The following EHMT2 variants were observed in gnomAD, a reference collection of about 807,000 sequenced individuals.
EHMT2 encodes the protein histone-lysine N-methyltransferase EHMT2.
A neutral mutation model predicts 143.3 loss-of-function variants in EHMT2; 59 were observed. The observed-to-expected ratio is 0.41, with a 90% confidence interval of 0.33 to 0.51. The LOEUF is 0.51. EHMT2 is among the 20% of genes least tolerant of loss of function. EHMT2 has a pLI of 0.18. For missense variants in EHMT2, 1,174 were observed against 1,645.9 expected (o/e 0.71, Z 4.96); for synonymous variants, 604 against 651.5 (o/e 0.93, Z 1.11).
In EHMT2 at chr6:31,889,560, C is replaced by G; in HGVS notation, c.907G>C (p.Glu303Gln). ...TCTTCTTCTTCCTCCTCTTCCTCCT[C>G]CTCCTCTTCACTTAGTTGTTCAGTT... The change falls in exon 8 of 28, where the codon GAG (glutamate) becomes CAG (glutamine). Residue 303 changes from glutamate (E) to glutamine (Q), a missense_variant. By Grantham distance (29) the Glu-to-Gln change is conservative. Around this residue, in one of 6 missense-constraint regions of EHMT2, gnomAD observed 399 missense variants for 404.4 expected, o/e 0.99. Transcript: ENST00000375537. This position sits in a 1 kb window ranked among gnomAD's most constrained non-coding sequence, Gnocchi z 5.1. The G allele has an allele frequency of 6.2e-7, 1 of 1,611,836 alleles. No individual in the cohort carries two copies. The highest frequency in any genetic ancestry group is 8.5e-7 in the Non-Finnish European group (1 of 1,179,978).
chr6:31,888,111 C>T lies in EHMT2; in HGVS notation c.1675G>A (p.Gly559Ser), dbSNP rs565531085. Reference sequence around the variant, plus strand: ...GGTGGGGGTGCAGGAGCTGCAGTGCCGGCCGGTGGGGTCACCCCGTCACCC... The same window carrying T: ...GGTGGGGGTGCAGGAGCTGCAGTGCTGGCCGGTGGGGTCACCCCGTCACCC... The change falls in exon 13 of 28, where the codon GGC (glycine) becomes AGC (serine). Residue 559 changes from glycine to serine, a missense_variant. By Grantham distance (56) the Gly-to-Ser change is moderately conservative. Coordinates refer to ENST00000375537, the Ensembl canonical transcript of EHMT2. This position sits in a 1 kb window ranked among gnomAD's most constrained non-coding sequence, Gnocchi z 7.4. 36 of 1,611,542 alleles carry T rather than the reference C, an allele frequency of 2.2e-5. No individual in the cohort carries two copies. The highest frequency in any genetic ancestry group is 1.6e-4 in the African/African-American group (12 of 75,028).
At position 31,889,894 on chromosome 6, in the gene EHMT2, T is replaced by C. The variant is rs753739426; in HGVS notation, c.865-292A>G. On this transcript the variant is annotated intron_variant, in intron 7 of 27. Coordinates refer to ENST00000375537, the Ensembl canonical transcript of EHMT2. This position sits in a 1 kb window ranked among gnomAD's most constrained non-coding sequence, Gnocchi z 5.1. Reference sequence around the variant, plus strand: ...ACATACTTTGATACCCCTTTTATGATGTTCATAAACAGGCAAGACCACCAA... The same window carrying C: ...ACATACTTTGATACCCCTTTTATGACGTTCATAAACAGGCAAGACCACCAA... 6.6e-6 allele frequency among the ~76,000 whole-genome samples: 1 copy of C among 152,214 alleles called. No homozygotes were observed. Among genetic ancestry groups the C allele is most frequent in the Non-Finnish European group, 1.5e-5 (1 of 68,040 alleles).
chr6:31,882,117 T>TAAAAAATAAATTAAAAAAATAA (rs1764182618), intron 25 of EHMT2, among the ~76,000 whole-genome samples: 1 of 97,164 alleles, frequency 1.0e-5, no homozygotes, highest in African/African-American at 3.5e-5. Context: ...AAAAATAAAT[T>TAAAAAATAAATTAAAAAAATAA]AAAAAAAAAA....
In EHMT2 at chr6:31,884,936, G is replaced by A. The variant is rs771703667; in HGVS notation, c.2424C>T (p.Gly808=). 27 of 1,606,408 alleles carry A rather than the reference G, an allele frequency of 1.7e-5. No homozygotes were observed. Among genetic ancestry groups the A allele is most frequent in the South Asian group, 1.4e-4 (13 of 90,950 alleles). The change falls in exon 19 of 28, where the codon GGC becomes GGT. Residue 808 remains glycine, a synonymous_variant. Transcript: ENST00000375537. This position sits in a 1 kb window ranked among gnomAD's most constrained non-coding sequence, Gnocchi z 7.3. ...CGTTGTCAGTGAGGGTGACGTCGGC[G>A]CCCCGCGTCAGTAGCATGCGGATCA... is the stretch of plus-strand genomic sequence containing the variant.
Position 31,888,539 on chromosome 6 carries a change from G to C in EHMT2, c.1366-33C>G, listed in dbSNP as rs541209567. The C allele has an allele frequency of 4.3e-6, 7 of 1,609,876 alleles. No individual in the cohort carries two copies. The East Asian group carries it at 1.6e-4, about 36-fold the overall frequency. ...CAGTGAGGATGGGTGAGAAGAGAGC[G>C]TGAGGCTGGGGCCGGGGACTGGACG... On this transcript the variant is annotated intron_variant, in intron 11 of 27. Coordinates refer to ENST00000375537, the Ensembl canonical transcript of EHMT2. The surrounding 1 kb of genome is among the most constrained non-coding windows in gnomAD (Gnocchi z 7.4).
chr6:31,892,786 A>C, intron 5 of EHMT2, 40 bp downstream of exon 5: 1 of 1,612,860 alleles, frequency 6.2e-7, no homozygotes, highest in East Asian at 2.2e-5. Flanking sequence ...CCTTCAGAAC[A>C]GACCACATCA....
chr6:31,891,364 C>G (rs988721250), intron 7 of EHMT2, among the ~76,000 whole-genome samples: 1 of 152,068 alleles, frequency 6.6e-6, no homozygotes, highest in Non-Finnish European at 1.5e-5. Flanking sequence ...ATTAAGAAAT[C>G]GGTAAGTTTT....
At chr6:31,891,099 C>T (rs1015761558) in intron 7 of EHMT2, among the ~76,000 whole-genome samples, 13 of 152,082 alleles carry the variant, frequency 8.5e-5, no homozygotes, top group African/African-American at 2.7e-4. Flanking sequence ...CGTACCACTA[C>T]GTCCAGCTAA....
intron 15 of EHMT2, 95 bp downstream of exon 15, chr6:31,887,482 G>A: frequency 1.8e-6 from 2 of 1,095,670 alleles, no homozygotes; most frequent in Non-Finnish European, 2.7e-6. Context: ...GGCAAGGACT[G>A]TGTCCTTCAC....
In EHMT2 at chr6:31,884,633, G is replaced by A. The variant is rs567514423; in HGVS notation, c.2603+12C>T. ...TGGGGGCAGGGGCATCAAGGGCGGGGCAGGGGCTCACAGCACGCAGTCATG... is the reference window on the plus strand; with the variant it reads ...TGGGGGCAGGGGCATCAAGGGCGGGACAGGGGCTCACAGCACGCAGTCATG... On this transcript the variant is annotated intron_variant, in intron 20 of 27. Transcript: ENST00000375537. This position sits in a 1 kb window ranked among gnomAD's most constrained non-coding sequence, Gnocchi z 7.3. 5 of 1,594,022 alleles carry A rather than the reference G, an allele frequency of 3.1e-6. No homozygotes were observed. The East Asian group carries it at 6.7e-5, about 21-fold the overall frequency.
chr6:31,894,787 G>A (rs9469068), intron 4 of EHMT2, among the ~76,000 whole-genome samples: 2,126 of 150,718 alleles, frequency 0.014, 25 homozygotes, highest in Middle Eastern at 0.075. Flanking sequence ...GATTACAGGC[G>A]CACGCCACCA....
chr6:31,891,714 A>G (rs1181361590), intron 7 of EHMT2, among the ~76,000 whole-genome samples: 2 of 152,240 alleles, frequency 1.3e-5, no homozygotes, highest in Non-Finnish European at 2.9e-5. Flanking sequence ...CCAGACAAAG[A>G]GCAACGAAAT....
In EHMT2 at chr6:31,889,717, A is replaced by T. The variant is rs2151633949; in HGVS notation, c.865-115T>A. 1 of 1,344,588 alleles carries T rather than the reference A, an allele frequency of 7.4e-7. No homozygotes were observed. The highest frequency in any genetic ancestry group is 2.3e-5 in the East Asian group (1 of 43,626). The allele number at this position is 1,344,588 out of a possible 1,614,324, so 83.3% of individuals were successfully genotyped here. A position where few individuals can be genotyped will look rare whatever the true frequency, so the allele number is the denominator to read the frequency against. On this transcript the variant is annotated intron_variant, in intron 7 of 27. Coordinates refer to ENST00000375537, the Ensembl canonical transcript of EHMT2. The surrounding 1 kb of genome is among the most constrained non-coding windows in gnomAD (Gnocchi z 5.1). ...CACTACCCACGGATGGCTGCTGGGG[A>T]TAAGTGTGGGTAGCAGAGGAGACAA...
chr6:31,884,748 C>T lies in EHMT2; in HGVS notation c.2500G>A (p.Ala834Thr), dbSNP rs1192060899. 5 of 1,601,472 alleles carry T rather than the reference C, an allele frequency of 3.1e-6. No individual in the cohort carries two copies. The highest frequency in any genetic ancestry group is 1.3e-5 in the African/African-American group (1 of 74,584). ...CAGCGCGCATTCAGAAGGACTTCGG[C>T]GATGGCGGCGCTGCCCGTGAAGGAG... Residue 834 changes from alanine (A) to threonine (T), a missense_variant, in exon 20 of 28, where the codon GCC (alanine) becomes ACC (threonine). Ala to Thr is a moderately conservative substitution (Grantham distance 58). Coordinates refer to ENST00000375537, the Ensembl canonical transcript of EHMT2. The surrounding 1 kb of genome is among the most constrained non-coding windows in gnomAD (Gnocchi z 7.3).
At position 31,886,985 on chromosome 6, in the gene EHMT2, C is replaced by T; in HGVS notation, c.2118+10G>A. The T allele has an allele frequency of 6.2e-7, 1 of 1,614,000 alleles. No homozygotes were observed. On this transcript the variant is annotated intron_variant, in intron 16 of 27. Transcript: ENST00000375537. ...TGGTGAATGAGGCATGGGGCCGGGC[C>T]CGTGCTGACCTGCAGCAGCACATGG...
chr6:31,884,079 C>T lies in EHMT2; in HGVS notation c.2772-129G>A. ...GGGAGTAAGGTTGCCAGGTAAGATG[C>T]AGGACAGCGAGTTAACATAGAATTT... is the stretch of plus-strand genomic sequence containing the variant. On this transcript the variant is annotated intron_variant, in intron 21 of 27. Coordinates refer to ENST00000375537, the Ensembl canonical transcript of EHMT2. This position sits in a 1 kb window ranked among gnomAD's most constrained non-coding sequence, Gnocchi z 7.3. 3 of 1,032,174 alleles carry T rather than the reference C, an allele frequency of 2.9e-6. No homozygotes were observed. Among genetic ancestry groups the T allele is most frequent in the Non-Finnish European group, 4.1e-6 (3 of 725,918 alleles). The allele number at this position is 1,032,174 out of a possible 1,614,324, so 63.9% of individuals were successfully genotyped here.
chr6:31,884,585 G>A lies in EHMT2; in HGVS notation c.2604-26C>T. The A allele has an allele frequency of 6.2e-7, 1 of 1,611,596 alleles. No individual in the cohort carries two copies. Among genetic ancestry groups the A allele is most frequent in the African/African-American group, 1.3e-5 (1 of 75,014 alleles). On this transcript the variant is annotated intron_variant, in intron 20 of 27. Transcript: ENST00000375537. This position sits in a 1 kb window ranked among gnomAD's most constrained non-coding sequence, Gnocchi z 7.3. ...CTGAAGAGGGGACAGGATGCCCAAT[G>A]CAGGGTCTGAGGCTGCAAGAAGTGG...
Position 31,889,690 on chromosome 6 carries a change from G to C in EHMT2, c.865-88C>G. 6.5e-7 allele frequency: 1 copy of C among 1,536,196 alleles called. No homozygotes were observed. The highest frequency in any genetic ancestry group is 1.1e-5 in the South Asian group (1 of 88,858). On this transcript the variant is annotated intron_variant, in intron 7 of 27. Coordinates refer to ENST00000375537, the Ensembl canonical transcript of EHMT2. The surrounding 1 kb of genome is among the most constrained non-coding windows in gnomAD (Gnocchi z 5.1). The stretch of plus-strand genomic sequence containing the variant: ...AAAACCACCACCACCATTGCCCCCC[G>C]CCACTACCCACGGATGGCTGCTGGG...
At chr6:31,894,900 C>T (rs1331091905) in intron 4 of EHMT2, among the ~76,000 whole-genome samples, 3 of 152,106 alleles carry the variant, frequency 2.0e-5, no homozygotes, top group Non-Finnish European at 2.9e-5. Flanking sequence ...TGATTGCCGG[C>T]CTTGGCCTCT....
Sources: allele counts gnomAD v4.1 joint callset (sites outside exome capture counted in the v4.1 genomes callset), GRCh38; gene constraint gnomAD v4.1.1; regional missense constraint gnomAD v4.1.1; non-coding constraint Gnocchi (gnomAD v3.1); transcripts MANE v1.5; gene names NCBI Gene and HGNC (gene_info 2026-07-23, HGNC 2026-07-21).